Variants in DUSP16 observed in about 807,000 individuals in gnomAD.
DUSP16 encodes the protein dual specificity phosphatase 16.
Under a neutral mutation model 58.3 loss-of-function variants are expected in DUSP16, and 21 were observed. The ratio of observed to expected loss-of-function variants is 0.36; its 90% confidence interval spans 0.26 to 0.52. DUSP16 has a LOEUF of 0.52. DUSP16 is among the 20% of genes least tolerant of loss of function. The probability of loss-of-function intolerance (pLI) is 0.94; values close to 1 mark genes in which losing one functional copy is unlikely to be tolerated. For missense variants in DUSP16, 726 were observed against 819.0 expected, an observed-to-expected ratio of 0.89 and a Z score of 1.39; for synonymous variants, 320 against 323.8, an observed-to-expected ratio of 0.99 and a Z score of 0.12.
At chr12:12,527,658 A>T (rs926956261) in intron 1 of DUSP16, among the ~76,000 whole-genome samples, 1 of 152,206 alleles carries the variant, frequency 6.6e-6, no homozygotes, top group African/African-American at 2.4e-5. Flanking sequence ...GTAAAACTAC[A>T]AACTTAATGT....
rs1227452443 is a variant in DUSP16 at position 12,486,969 on chromosome 12, G to A, written c.691+59C>T. ...AAAGAAAAAATGGGGGGCTGAGGGGGTTCACCTACACATGAGACGATCACC... is the reference window on the plus strand; with the variant it reads ...AAAGAAAAAATGGGGGGCTGAGGGGATTCACCTACACATGAGACGATCACC... On this transcript the variant is annotated intron_variant, in intron 5 of 6. Coordinates refer to ENST00000298573, the MANE Select transcript of DUSP16 (RefSeq NM_030640.3). 12 of 1,589,392 alleles carry A rather than the reference G, an allele frequency of 7.6e-6. No homozygotes were observed. The East Asian group carries it at 1.8e-4, about 24-fold the overall frequency.
At chr12:12,553,229 C>A (rs969873258) in intron 1 of DUSP16, among the ~76,000 whole-genome samples, 47 of 151,920 alleles carry the variant, frequency 3.1e-4, no homozygotes, top group Admixed American at 2.6e-4. Flanking sequence ...GTCCTGAGAC[C>A]AAAATGTTTG....
At chr12:12,481,210 T>G (rs538545311) in intron 5 of DUSP16, among the ~76,000 whole-genome samples, 2 of 152,230 alleles carry the variant, frequency 1.3e-5, no homozygotes, top group South Asian at 4.2e-4. Flanking sequence ...CCCCACAACA[T>G]GATGGAAGGA....
intron 1 of DUSP16, chr12:12,561,173 C>G (rs1944896929): frequency 6.6e-6 from 1 of 152,284 alleles, no homozygotes; most frequent in East Asian, 1.9e-4. Context: ...GGGGATGGCA[C>G]AGCAAACCCC....
intron 1 of DUSP16, among the ~76,000 whole-genome samples, chr12:12,540,081 AG>A (rs1165012429): frequency 6.6e-6 from 1 of 151,478 alleles, no homozygotes; most frequent in African/African-American, 2.4e-5. Context: ...AAATGAGACC[AG>A]GAGTTTGAGA....
At chr12:12,482,589 C>T (rs1295532967) in intron 5 of DUSP16, among the ~76,000 whole-genome samples, 1 of 152,180 alleles carries the variant, frequency 6.6e-6, no homozygotes, top group Non-Finnish European at 1.5e-5. Context: ...GAAAGCCCTG[C>T]AGTGGGACTG....
At chr12:12,555,132 G>C (rs752889912) in intron 1 of DUSP16, among the ~76,000 whole-genome samples, 1 of 152,184 alleles carries the variant, frequency 6.6e-6, no homozygotes, top group African/African-American at 2.4e-5. Context: ...TCAGCTGCTC[G>C]GGAAGAGAAG....
At chr12:12,546,131 C>A (rs906659660) in intron 1 of DUSP16, among the ~76,000 whole-genome samples, 3 of 152,084 alleles carry the variant, frequency 2.0e-5, no homozygotes, top group East Asian at 1.9e-4. Flanking sequence ...GTTATTTATA[C>A]AATATTATAA....
chr12:12,541,612 C>T (rs1566044525), intron 1 of DUSP16, among the ~76,000 whole-genome samples: 1 of 152,218 alleles, frequency 6.6e-6, no homozygotes, highest in Non-Finnish European at 1.5e-5. Flanking sequence ...AGCTTTTCAG[C>T]TGACAGCCCA....
At position 12,562,821 on chromosome 12, in the gene DUSP16, G is replaced by A. The variant is rs866689677; in HGVS notation, c.-1070C>T. 6.6e-6 allele frequency among the ~76,000 whole-genome samples: 1 copy of A among 151,700 alleles called. No homozygotes were observed. The highest frequency in any genetic ancestry group is 2.4e-5 in the African/African-American group (1 of 41,360). ...CTCCGCGCCTCGTTCCGGCCGCTCG[G>A]GGAGGGGTCAGGTCATGTTCCCTTC... On this transcript the variant is annotated 5_prime_UTR_variant, in exon 1 of 7. Transcript: ENST00000298573.
At chr12:12,517,384 T>C (rs1052402833) in intron 3 of DUSP16, among the ~76,000 whole-genome samples, 18 of 152,234 alleles carry the variant, frequency 1.2e-4, no homozygotes, top group African/African-American at 3.9e-4. Flanking sequence ...CAGTAGCCCC[T>C]GTGAGAAACT....
chr12:12,559,050 C>T (rs1407381648), intron 1 of DUSP16, among the ~76,000 whole-genome samples: 3 of 152,076 alleles, frequency 2.0e-5, no homozygotes, highest in Non-Finnish European at 1.5e-5. Context: ...TCTTTAAATT[C>T]GGCCAACCTT....
At chr12:12,542,142 C>T (rs1057211746) in intron 1 of DUSP16, among the ~76,000 whole-genome samples, 2 of 152,000 alleles carry the variant, frequency 1.3e-5, no homozygotes, top group East Asian at 1.9e-4. Context: ...TTTCAGAGGC[C>T]GAGGTGGGCG....
At chr12:12,492,938 T>C (rs1478325189) in intron 4 of DUSP16, among the ~76,000 whole-genome samples, 4 of 152,214 alleles carry the variant, frequency 2.6e-5, no homozygotes, top group Non-Finnish European at 5.9e-5. Context: ...TACTTCTCAA[T>C]ATTCTTTGTT....
chr12:12,506,042 C>G (rs1331522697), intron 3 of DUSP16: 20 of 152,226 alleles, frequency 1.3e-4, no homozygotes, highest in Non-Finnish European at 8.8e-5. Flanking sequence ...CAATGTTCCA[C>G]TCTGCTGACA....
intron 1 of DUSP16, among the ~76,000 whole-genome samples, chr12:12,528,480 GAAGA>G (rs1208442919): frequency 1.3e-5 from 2 of 152,308 alleles, no homozygotes; most frequent in African/African-American, 2.4e-5. Flanking sequence ...GGAGGCAGGA[GAAGA>G]AAGATTTAGA....
At position 12,477,458 on chromosome 12, in the gene DUSP16, G is replaced by A. The variant is rs150775273; in HGVS notation, c.1373C>T (p.Thr458Ile). The change falls in exon 7 of 7, where the codon ACC becomes ATC. Residue 458 changes from threonine (T) to isoleucine (I), a missense_variant. Coordinates refer to ENST00000298573, the MANE Select transcript of DUSP16 (RefSeq NM_030640.3). The surrounding 1 kb of genome is among the most constrained non-coding windows in gnomAD (Gnocchi z 4.1). ...VQELSEQTPE[T>I]SPDKEEASIP... The stretch of plus-strand genomic sequence containing the variant: ...GCTGGCTTCCTCCTTATCAGGACTG[G>A]TTTCGGGAGTCTGCTCCGATAGTTC... 3.2e-4 allele frequency: 505 copies of A among 1,600,800 alleles called. No individual in the cohort carries two copies. Among genetic ancestry groups the A allele is most frequent in the Admixed American group, 1.6e-3 (96 of 58,970 alleles).
At chr12:12,540,949 C>CTTTTTTTTTTTTTT (rs1191975095) in intron 1 of DUSP16, among the ~76,000 whole-genome samples, 14 of 43,800 alleles carry the variant, frequency 3.2e-4, no homozygotes, top group African/African-American at 3.5e-4. Context: ...CTTTTCTTTT[C>CTTTTTTTTTTTTTT]TTTTTTTTTT....
chr12:12,507,598 G>A (rs917216181), intron 3 of DUSP16, among the ~76,000 whole-genome samples: 5 of 149,884 alleles, frequency 3.3e-5, no homozygotes, highest in Admixed American at 6.7e-5. Context: ...TGAACTATGC[G>A]GTTAAATTCT....
Sources: gnomAD v4.1 joint callset for allele counts (sites outside exome capture counted in the v4.1 genomes callset) on GRCh38, gnomAD v4.1.1 for gene constraint, Gnocchi (gnomAD v3.1) non-coding constraint, MANE v1.5 for transcripts, NCBI Gene and HGNC (gene_info 2026-07-23, HGNC 2026-07-21) for gene names.